Variants in PPP2R2B observed in about 807,000 individuals in gnomAD.
PPP2R2B encodes protein phosphatase 2 regulatory subunit Bbeta.
A neutral mutation model predicts 46.0 loss-of-function variants in PPP2R2B; 5 were observed. The ratio of observed to expected loss-of-function variants is 0.11; its 90% CI spans 0.06 to 0.23. The LOEUF is 0.23. Among genes scored for constraint, PPP2R2B ranks in the 10% least tolerant of loss-of-function variants. PPP2R2B has a pLI of 1.00. For missense variants in PPP2R2B, 367 were observed against 575.0 expected, an observed-to-expected ratio of 0.64 and a Z score of 3.70; for synonymous variants, 215 against 206.7, an observed-to-expected ratio of 1.04 and a Z score of -0.34.
At chr5:146,764,244 G>A (rs1021083274) in intron 2 of PPP2R2B, among the ~76,000 whole-genome samples, 2 of 152,088 alleles carry the variant, frequency 1.3e-5, no homozygotes, top group African/African-American at 4.8e-5. Context: ...GCAGGCACCA[G>A]ATGACAAAAG....
Position 146,638,427 on chromosome 5 carries a change from G to C in PPP2R2B, c.626-12C>G, listed in dbSNP as rs569140032. The C allele has an allele frequency of 6.3e-7, 1 of 1,579,256 alleles. No individual in the cohort carries two copies. The highest frequency in any genetic ancestry group is 1.1e-5 in the South Asian group (1 of 87,528). On this transcript the variant is annotated splice_polypyrimidine_tract_variant and intron_variant, in intron 6 of 9. Coordinates refer to ENST00000394411, the MANE Select transcript of PPP2R2B (RefSeq NM_181675.4). ...AATGTCCACAATATCTGGCACAGAC[G>C]AGTCAAGGAAGGAACCAGGAGAAGG...
At chr5:147,057,649 C>T (rs1757131193), upstream of PPP2R2B, among the ~76,000 whole-genome samples, 1 of 152,208 alleles carries the variant, frequency 6.6e-6, no homozygotes, top group South Asian at 2.1e-4. Context: ...AGATCTGGCA[C>T]ATTGCAGGCA....
chr5:146,808,413 A>G (rs560734309), intron 2 of PPP2R2B, among the ~76,000 whole-genome samples: 1 of 152,168 alleles, frequency 6.6e-6, no homozygotes, highest in East Asian at 1.9e-4. Context: ...TCACTCTATC[A>G]CTGGCCTTGT....
chr5:146,655,484 G>A (rs1776264632), intron 5 of PPP2R2B, among the ~76,000 whole-genome samples: 1 of 152,158 alleles, frequency 6.6e-6, no homozygotes, highest in Non-Finnish European at 1.5e-5. Context: ...ACTGCTCAGA[G>A]TTTTTTAAAC....
At chr5:146,628,151 G>A (rs1774186605) in intron 7 of PPP2R2B, among the ~76,000 whole-genome samples, 1 of 152,080 alleles carries the variant, frequency 6.6e-6, no homozygotes, top group East Asian at 1.9e-4. Context: ...CACCTTGTTG[G>A]CCAGGCTGGT....
chr5:146,644,235 A>C (rs1213645219), intron 6 of PPP2R2B, among the ~76,000 whole-genome samples: 3 of 6,252 alleles, frequency 4.8e-4, no homozygotes, highest in African/African-American at 1.1e-3. Flanking sequence ...GGAAAGTTTC[A>C]AAAAAAAAAA....
At chr5:146,925,529 T>C (rs1282230027) in intron 1 of PPP2R2B, among the ~76,000 whole-genome samples, 2 of 152,212 alleles carry the variant, frequency 1.3e-5, no homozygotes, top group Non-Finnish European at 2.9e-5. Context: ...CTCACCTTTC[T>C]ATGGTGCGTG....
intron 1 of PPP2R2B, among the ~76,000 whole-genome samples, chr5:147,020,007 C>G (rs965768850): frequency 4.6e-5 from 7 of 152,064 alleles, no homozygotes; most frequent in Non-Finnish European, 1.0e-4. Context: ...TCTGGGCCTC[C>G]CTATTAACCT....
At position 147,004,827 on chromosome 5, in the gene PPP2R2B, C is replaced by T. The variant is rs530088918; in HGVS notation, c.79+50838G>A. The stretch of plus-strand genomic sequence containing the variant: ...ACAGGAATAGCTCTTGTGGTCCTTA[C>T]TCAGACTCGTGGGACAACCCCACAA... On this transcript the variant is annotated intron_variant, in intron 1 of 8. Transcript: ENST00000336640. Among the ~76,000 whole-genome samples, 7 of 152,280 alleles carry T rather than the reference C, an allele frequency of 4.6e-5. No individual in the cohort carries two copies. In the East Asian group the frequency reaches 7.7e-4, roughly 17 times the overall value.
At chr5:146,722,353 A>C (rs1157896991) in intron 2 of PPP2R2B, among the ~76,000 whole-genome samples, 2 of 152,184 alleles carry the variant, frequency 1.3e-5, no homozygotes, top group Non-Finnish European at 2.9e-5. Flanking sequence ...AGTAAGACTT[A>C]GGCTATGGCT....
rs10477309 is a variant in PPP2R2B at position 146,723,609 on chromosome 5, T to C, written c.71-22467A>G. On this transcript the variant is annotated intron_variant, in intron 2 of 9. Coordinates refer to ENST00000394411, the MANE Select transcript of PPP2R2B (RefSeq NM_181675.4). ...ATAAACACATGAATCCTTTGAAAGA[T>C]CACTTGTGTTGATAGGATAAAATCC... Among the ~76,000 whole-genome samples, 1,357 of 152,260 alleles carry C rather than the reference T, an allele frequency of 8.9e-3. 23 individuals carry two copies. Among genetic ancestry groups the C allele is most frequent in the African/African-American group, 0.031 (1,298 of 41,550 alleles).
intron 2 of PPP2R2B, among the ~76,000 whole-genome samples, chr5:146,721,059 G>T (rs1780769984): frequency 6.6e-6 from 1 of 152,114 alleles, no homozygotes; most frequent in Non-Finnish European, 1.5e-5. Flanking sequence ...ACCCACCAGA[G>T]CAGCCTTAAT....
At chr5:146,892,224 T>C (rs1762511515) in intron 1 of PPP2R2B, among the ~76,000 whole-genome samples, 1 of 152,232 alleles carries the variant, frequency 6.6e-6, no homozygotes, top group African/African-American at 2.4e-5. Flanking sequence ...AAAGGTCAAT[T>C]CTGCATTCCA....
intron 1 of PPP2R2B, among the ~76,000 whole-genome samples, chr5:146,969,658 A>G (rs1205091215): frequency 2.0e-5 from 3 of 152,228 alleles, no homozygotes; most frequent in Admixed American, 1.3e-4. Context: ...GAACAGAAGA[A>G]TCAAGAGTCA....
intron 5 of PPP2R2B, among the ~76,000 whole-genome samples, chr5:146,681,771 C>T (rs1319573174): frequency 6.6e-6 from 1 of 152,166 alleles, no homozygotes; most frequent in Non-Finnish European, 1.5e-5. Flanking sequence ...TGTCAACCTT[C>T]CCACATCTCT....
At chr5:146,912,082 C>CA (rs1554075646) in intron 1 of PPP2R2B, among the ~76,000 whole-genome samples, 2 of 151,750 alleles carry the variant, frequency 1.3e-5, no homozygotes, top group Non-Finnish European at 2.9e-5. Context: ...TACTAAAATA[C>CA]AAAAAAGTTA....
chr5:146,748,771 G>A (rs1753351285), intron 2 of PPP2R2B, among the ~76,000 whole-genome samples: 1 of 152,120 alleles, frequency 6.6e-6, no homozygotes, highest in Non-Finnish European at 1.5e-5. Context: ...TTGATGTGCT[G>A]TTCACACATC....
intron 2 of PPP2R2B, among the ~76,000 whole-genome samples, chr5:147,072,390 G>A (rs1298318983): frequency 6.6e-6 from 1 of 151,986 alleles, no homozygotes; most frequent in Admixed American, 6.5e-5. Context: ...GATGTTTTTT[G>A]GTTAGTTGAC....
chr5:146,836,986 C>T (rs530993710), intron 2 of PPP2R2B, among the ~76,000 whole-genome samples: 11 of 152,222 alleles, frequency 7.2e-5, no homozygotes, highest in African/African-American at 1.9e-4. Flanking sequence ...TTAGGTGCTA[C>T]GCCAACAACT....
Sources: allele counts gnomAD v4.1 joint callset (sites outside exome capture counted in the v4.1 genomes callset), GRCh38; gene constraint gnomAD v4.1.1; transcripts MANE v1.5; gene names NCBI Gene and HGNC (gene_info 2026-07-23, HGNC 2026-07-21).